The following DLG2 variants were observed in gnomAD, a reference collection of about 807,000 sequenced individuals.
The protein encoded by DLG2 is discs large MAGUK scaffold protein 2, also known as disks large homolog 2.
A neutral mutation model predicts 132.5 loss-of-function variants in DLG2; 45 were observed. That is an observed-to-expected ratio of 0.34 (90% CI 0.27 to 0.44). DLG2 has a LOEUF of 0.44. DLG2 is among the 20% of genes least tolerant of loss of function. The probability of loss-of-function intolerance (pLI) is 1.00; values close to 1 mark genes in which losing one functional copy is unlikely to be tolerated. For missense variants in DLG2, 1,045 were observed against 1,196.9 expected, an observed-to-expected ratio of 0.87 and a Z score of 1.87; for synonymous variants, 424 against 419.6, an observed-to-expected ratio of 1.01 and a Z score of -0.13.
chr11:84,016,291 T>C (rs1333437388), intron 11 of DLG2, among the ~76,000 whole-genome samples: 1 of 152,162 alleles, frequency 6.6e-6, no homozygotes, highest in Admixed American at 6.6e-5. Context: ...CTTTGTTAGA[T>C]AGATAGATTG....
intron 3 of DLG2, among the ~76,000 whole-genome samples, chr11:85,538,596 C>T (rs1460730650): frequency 6.6e-6 from 1 of 151,834 alleles, no homozygotes; most frequent in African/African-American, 2.4e-5. Context: ...CACCCAAATG[C>T]CCATCAATGA....
intron 18 of DLG2, among the ~76,000 whole-genome samples, chr11:83,732,879 C>G (rs898599011): frequency 6.6e-6 from 1 of 152,154 alleles, no homozygotes; most frequent in African/African-American, 2.4e-5. Flanking sequence ...AGCTCACCTT[C>G]TGAGGACATC....
At chr11:83,668,022 C>T (rs1032002045) in intron 18 of DLG2, among the ~76,000 whole-genome samples, 4 of 123,396 alleles carry the variant, frequency 3.2e-5, no homozygotes, top group East Asian at 2.3e-4. Context: ...AGGGAAATGA[C>T]GGCCCCTGGC....
At chr11:84,293,468 G>T (rs573765455) in intron 7 of DLG2, among the ~76,000 whole-genome samples, 7 of 152,258 alleles carry the variant, frequency 4.6e-5, no homozygotes, top group African/African-American at 1.2e-4. Context: ...GAGCTCAGGA[G>T]TTCAAGACCA....
chr11:84,275,209 T>A (rs372087461), intron 7 of DLG2, among the ~76,000 whole-genome samples: 19 of 152,196 alleles, frequency 1.2e-4, no homozygotes, highest in African/African-American at 3.9e-4. Context: ...CTAAAAATCC[T>A]CTTCTCTTTA....
chr11:85,339,460 C>G (rs1207582820), intron 3 of DLG2, among the ~76,000 whole-genome samples: 1 of 152,142 alleles, frequency 6.6e-6, no homozygotes, highest in African/African-American at 2.4e-5. Flanking sequence ...AGGGTTATAT[C>G]AATTTGCATT....
At chr11:83,637,069 G>T (rs1187973614) in intron 18 of DLG2, among the ~76,000 whole-genome samples, 1 of 152,188 alleles carries the variant, frequency 6.6e-6, no homozygotes, top group Non-Finnish European at 1.5e-5. Flanking sequence ...ACTTCTTGGA[G>T]ATAAACAAGT....
chr11:84,919,073 C>T (rs1327984000), intron 6 of DLG2, among the ~76,000 whole-genome samples: 1 of 152,058 alleles, frequency 6.6e-6, no homozygotes, highest in Non-Finnish European at 1.5e-5. Context: ...AAATGTGTTT[C>T]TAATTAATTA....
intron 10 of DLG2, among the ~76,000 whole-genome samples, chr11:84,098,365 C>G (rs2097195867): frequency 6.6e-6 from 1 of 152,108 alleles, no homozygotes; most frequent in African/African-American, 2.4e-5. Context: ...CCAGATGAAG[C>G]TGCTTTCCCT....
intron 17 of DLG2, among the ~76,000 whole-genome samples, chr11:83,787,787 C>G (rs2040429053): frequency 6.6e-6 from 1 of 152,176 alleles, no homozygotes; most frequent in South Asian, 2.1e-4. Context: ...AAGCTCCAAA[C>G]TCTGCCAGGG....
intron 7 of DLG2, among the ~76,000 whole-genome samples, chr11:84,306,972 C>G (rs2098226275): frequency 6.6e-6 from 1 of 152,128 alleles, no homozygotes; most frequent in South Asian, 2.1e-4. Context: ...ACCATTCAAC[C>G]CAACAAACCC....
intron 17 of DLG2, among the ~76,000 whole-genome samples, chr11:83,793,452 T>C (rs1420073115): frequency 6.6e-6 from 1 of 152,200 alleles, no homozygotes; most frequent in Non-Finnish European, 1.5e-5. Flanking sequence ...ACTTTAATGT[T>C]TGATGTGAGA....
intron 3 of DLG2, among the ~76,000 whole-genome samples, chr11:85,491,541 C>T (rs940497611): frequency 1.3e-5 from 2 of 151,948 alleles, no homozygotes; most frequent in African/African-American, 4.8e-5. Flanking sequence ...AAAAACTATT[C>T]TAATTAAATA....
At chr11:84,207,128 T>C (rs2096680513) in intron 8 of DLG2, among the ~76,000 whole-genome samples, 2 of 151,476 alleles carry the variant, frequency 1.3e-5, no homozygotes, top group Admixed American at 1.3e-4. Flanking sequence ...CACTGAAAAT[T>C]ACAAAATACT....
chr11:84,398,795 T>G (rs1490965608), intron 7 of DLG2, among the ~76,000 whole-genome samples: 1 of 152,204 alleles, frequency 6.6e-6, no homozygotes, highest in Non-Finnish European at 1.5e-5. Flanking sequence ...TGATCTGTGT[T>G]GTAACATCAG....
chr11:83,717,833 T>C (rs1197373693), intron 18 of DLG2, among the ~76,000 whole-genome samples: 1 of 152,200 alleles, frequency 6.6e-6, no homozygotes, highest in Non-Finnish European at 1.5e-5. Context: ...AGACTGTGGT[T>C]TGAAATGCCT....
intron 7 of DLG2, among the ~76,000 whole-genome samples, chr11:84,369,579 C>T (rs554994568): frequency 4.6e-5 from 7 of 152,150 alleles, no homozygotes; most frequent in Admixed American, 2.6e-4. Flanking sequence ...GCTTCATTTA[C>T]TTTAACTGTT....
In DLG2 at chr11:84,012,403, T is replaced by C. The variant is rs185766175; in HGVS notation, c.920-31761A>G. On this transcript the variant is annotated intron_variant, in intron 11 of 27. Coordinates refer to ENST00000376104, the MANE Select transcript of DLG2 (RefSeq NM_001142699.3). Reference sequence around the variant, plus strand: ...ACTTCCTGTTTACTCTAATAGCCTTTGGAAAACTTGGTGAGACTTCCAACA... The same window carrying C: ...ACTTCCTGTTTACTCTAATAGCCTTCGGAAAACTTGGTGAGACTTCCAACA... Among the ~76,000 whole-genome samples the C allele has an allele frequency of 5.0e-3, 760 of 152,272 alleles. 3 individuals carry two copies. Among genetic ancestry groups the C allele is most frequent in the African/African-American group, 0.018 (738 of 41,570 alleles).
chr11:84,377,778 T>C, intron 7 of DLG2, among the ~76,000 whole-genome samples: 1 of 152,206 alleles, frequency 6.6e-6, no homozygotes, highest in Non-Finnish European at 1.5e-5. Flanking sequence ...TTTTAATGTT[T>C]AACTAATTTG....
Sources: allele counts gnomAD v4.1 joint callset (sites outside exome capture counted in the v4.1 genomes callset), GRCh38; gene constraint gnomAD v4.1.1; transcripts MANE v1.5; gene names NCBI Gene and HGNC (gene_info 2026-07-23, HGNC 2026-07-21).